The following CSMD1 variants were observed in gnomAD, a reference collection of about 807,000 sequenced individuals.
The protein encoded by CSMD1 is CUB and Sushi multiple domains 1.
A neutral mutation model predicts 417.5 loss-of-function variants in CSMD1; 213 were observed. That is an observed-to-expected ratio of 0.51 (90% confidence interval 0.46 to 0.57). The LOEUF (loss-of-function observed/expected upper bound fraction) is 0.57. Ranked by LOEUF, CSMD1 falls within the 20% of genes least tolerant of loss-of-function variation. The pLI is 0.00. For synonymous variants in CSMD1, 2,862 were observed against 1,736.8 expected (o/e 1.65, Z -16.11); for missense variants, 6,923 against 4,529.7 (o/e 1.53, Z -15.17).
At chr8:4,425,470 G>C (rs139707180) in intron 2 of CSMD1, among the ~76,000 whole-genome samples, 4 of 151,862 alleles carry the variant, frequency 2.6e-5, no homozygotes, top group Non-Finnish European at 4.4e-5. Flanking sequence ...GCTTTCAAGA[G>C]CTAAATTTGT....
intron 3 of CSMD1, among the ~76,000 whole-genome samples, chr8:4,044,491 G>C (rs115110794): frequency 6.6e-6 from 1 of 152,206 alleles, no homozygotes; most frequent in South Asian, 2.1e-4. Context: ...GGGGACCAGC[G>C]ACCCCTCCAG....
At chr8:3,833,242 A>G (rs1459341712) in intron 5 of CSMD1, among the ~76,000 whole-genome samples, 1 of 152,124 alleles carries the variant, frequency 6.6e-6, no homozygotes, top group Non-Finnish European at 1.5e-5. Flanking sequence ...TAACCATATT[A>G]CACATGTTGA....
At position 3,180,514 on chromosome 8, in the gene CSMD1, T is replaced by C. The variant is rs1247967577; in HGVS notation, c.5725+596A>G. On this transcript the variant is annotated intron_variant, in intron 37 of 69. Transcript: ENST00000635120. ...CATAAAAAACTAGTAATATTACAAG[T>C]GGTTCATTTTTGTGCTTTTTAATAC... is the stretch of plus-strand genomic sequence containing the variant. Among the ~76,000 whole-genome samples, 3 of 152,302 alleles carry C rather than the reference T, an allele frequency of 2.0e-5. No homozygotes were observed. In the South Asian group the frequency reaches 6.2e-4, roughly 32 times the overall value.
intron 1 of CSMD1, among the ~76,000 whole-genome samples, chr8:4,712,174 T>G (rs980234536): frequency 6.6e-6 from 1 of 152,216 alleles, no homozygotes; most frequent in African/African-American, 2.4e-5. Context: ...CTATTTCATT[T>G]CTTCAGGCTC....
chr8:4,529,885 TA>T (rs60038660), intron 2 of CSMD1, among the ~76,000 whole-genome samples: 15,011 of 142,682 alleles, frequency 0.11, 2,395 homozygotes, highest in African/African-American at 0.34. Flanking sequence ...TTTTTTTTTT[TA>T]AATTTATTTA....
chr8:3,340,749 T>C (rs1807590185), intron 23 of CSMD1, among the ~76,000 whole-genome samples: 1 of 152,218 alleles, frequency 6.6e-6, no homozygotes, highest in African/African-American at 2.4e-5. Flanking sequence ...ATTTTGATTA[T>C]ATGGCCATCA....
intron 7 of CSMD1, among the ~76,000 whole-genome samples, chr8:3,707,179 A>G (rs1801218963): frequency 6.6e-6 from 1 of 152,208 alleles, no homozygotes; most frequent in Admixed American, 6.5e-5. Flanking sequence ...CTAAAGTGAT[A>G]AAGATGTAGG....
Position 4,936,317 on chromosome 8 carries a change from C to T in CSMD1, c.85+58015G>A, listed in dbSNP as rs115671285. Among the ~76,000 whole-genome samples, 1,026 of 152,190 alleles carry T rather than the reference C, an allele frequency of 6.7e-3. 8 individuals carry two copies. The highest frequency in any genetic ancestry group is 0.024 in the African/African-American group (981 of 41,522). On this transcript the variant is annotated intron_variant, in intron 1 of 69. Coordinates refer to ENST00000635120, the MANE Select transcript of CSMD1 (RefSeq NM_033225.6). The stretch of plus-strand genomic sequence containing the variant: ...ATGTGTGCATGGGATTGTGAATAAA[C>T]AAACAGGGACAGGAAAAAACTGAAA...
Position 4,814,467 on chromosome 8 carries a change from G to A in CSMD1, c.86-176909C>T, listed in dbSNP as rs186337810. ...TCACCATGTTGGCCAAGGTGATCTC[G>A]AACTCCTAAAGTCAAGTGATCCACC... On this transcript the variant is annotated intron_variant, in intron 1 of 69. Coordinates refer to ENST00000635120, the MANE Select transcript of CSMD1 (RefSeq NM_033225.6). Among the ~76,000 whole-genome samples the A allele has an allele frequency of 3.6e-3, 549 of 152,208 alleles. 5 individuals are homozygous for A. The highest frequency in any genetic ancestry group is 0.012 in the African/African-American group (493 of 41,518).
intron 5 of CSMD1, among the ~76,000 whole-genome samples, chr8:3,759,806 G>T (rs1002960684): frequency 1.3e-5 from 2 of 148,722 alleles, no homozygotes; most frequent in Non-Finnish European, 3.0e-5. Flanking sequence ...TACTCGGGAA[G>T]ATGAGGGAGG....
At chr8:3,350,397 CTG>C (rs1808339874) in intron 21 of CSMD1, among the ~76,000 whole-genome samples, 1 of 152,024 alleles carries the variant, frequency 6.6e-6, no homozygotes, top group South Asian at 2.1e-4. Context: ...GATGAGGAAA[CTG>C]AAGCATAGAA....
intron 2 of CSMD1, among the ~76,000 whole-genome samples, chr8:4,568,588 C>T (rs1798732069): frequency 6.6e-6 from 1 of 152,126 alleles, no homozygotes; most frequent in African/African-American, 2.4e-5. Flanking sequence ...CATACGTGTG[C>T]ATGCATCTTC....
intron 3 of CSMD1, among the ~76,000 whole-genome samples, chr8:4,082,649 A>C (rs996055955): frequency 3.9e-5 from 6 of 151,934 alleles, no homozygotes; most frequent in African/African-American, 1.5e-4. Context: ...CTTTTAGGGT[A>C]CATGTGCACA....
chr8:4,675,857 T>C (rs1444197096), intron 1 of CSMD1, among the ~76,000 whole-genome samples: 1 of 152,156 alleles, frequency 6.6e-6, no homozygotes, highest in Admixed American at 6.6e-5. Context: ...TGTAGTAAGG[T>C]GCCTAATTGT....
intron 5 of CSMD1, among the ~76,000 whole-genome samples, chr8:3,815,087 A>C (rs879447395): frequency 3.9e-5 from 6 of 152,208 alleles, no homozygotes; most frequent in Admixed American, 3.9e-4. Flanking sequence ...CTGATATTTG[A>C]GCTGTACATT....
intron 52 of CSMD1, among the ~76,000 whole-genome samples, chr8:3,010,636 C>T (rs79937003): frequency 0.025 from 3,790 of 152,092 alleles, 173 homozygotes; most frequent in African/African-American, 0.087. Flanking sequence ...AGAATCAGCA[C>T]GGCTTCCCCC....
At chr8:4,854,585 G>T (rs550113270) in intron 1 of CSMD1, among the ~76,000 whole-genome samples, 2 of 152,322 alleles carry the variant, frequency 1.3e-5, no homozygotes, top group South Asian at 4.1e-4. Context: ...GCAGGGCGAG[G>T]CATTGCCTCA....
intron 3 of CSMD1, among the ~76,000 whole-genome samples, chr8:4,262,469 A>G (rs969095518): frequency 6.6e-6 from 1 of 152,190 alleles, no homozygotes; most frequent in Non-Finnish European, 1.5e-5. Flanking sequence ...AAAGACAGAT[A>G]TTATATTTCC....
At chr8:3,557,457 G>C (rs552912978) in intron 10 of CSMD1, among the ~76,000 whole-genome samples, 8 of 152,180 alleles carry the variant, frequency 5.3e-5, no homozygotes, top group Admixed American at 2.6e-4. Context: ...AGAGGTTTTA[G>C]ACATAGGCTT....
Sources: allele counts gnomAD v4.1 joint callset (sites outside exome capture counted in the v4.1 genomes callset), GRCh38; gene constraint gnomAD v4.1.1; transcripts MANE v1.5; gene names NCBI Gene and HGNC (gene_info 2026-07-23, HGNC 2026-07-21).